The following VPS13B variants were observed in gnomAD, a reference collection of about 807,000 sequenced individuals.
VPS13B encodes intermembrane lipid transfer protein VPS13B.
VPS13B carries 285 observed loss-of-function variants against 426.4 expected under a neutral mutation model. The observed-to-expected ratio is 0.67, with a 90% CI of 0.61 to 0.74. The LOEUF (loss-of-function observed/expected upper bound fraction) is 0.74. VPS13B is among the 30% of genes least tolerant of loss of function. The pLI is 0.00. For synonymous variants in VPS13B, 1,676 were observed against 1,676.4 expected, an observed-to-expected ratio of 1.00 and a Z score of 0.01; for missense variants, 4,537 against 4,782.6, an observed-to-expected ratio of 0.95 and a Z score of 1.51.
chr8:99,822,643 G>A (rs1814441705), intron 50 of VPS13B, among the ~76,000 whole-genome samples: 1 of 152,196 alleles, frequency 6.6e-6, no homozygotes, highest in African/African-American at 2.4e-5. Flanking sequence ...AACACATATT[G>A]ATGTCTAATT....
At chr8:99,059,966 C>T (rs1352365099) in intron 3 of VPS13B, among the ~76,000 whole-genome samples, 1 of 151,948 alleles carries the variant, frequency 6.6e-6, no homozygotes, top group Non-Finnish European at 1.5e-5. Context: ...GAACTCCTGA[C>T]CTCAGGTGAT....
chr8:99,056,386 A>G (rs1228568275), intron 3 of VPS13B, among the ~76,000 whole-genome samples: 2 of 152,032 alleles, frequency 1.3e-5, no homozygotes, highest in African/African-American at 2.4e-5. Flanking sequence ...TATCCTGCAC[A>G]TTTGCCAGAT....
chr8:99,461,040 G>C (rs561389778), intron 23 of VPS13B, among the ~76,000 whole-genome samples: 35 of 152,216 alleles, frequency 2.3e-4, no homozygotes, highest in Admixed American at 3.9e-4. Context: ...TGTATCAACT[G>C]TATCTAGCTT....
At chr8:99,414,231 A>C (rs1436725459) in intron 21 of VPS13B, among the ~76,000 whole-genome samples, 2 of 145,032 alleles carry the variant, frequency 1.4e-5, no homozygotes, top group South Asian at 4.2e-4. Flanking sequence ...CTAGGATTGC[A>C]ACCCCTGCTT....
intron 34 of VPS13B, among the ~76,000 whole-genome samples, chr8:99,643,614 T>C (rs1004498095): frequency 2.6e-5 from 4 of 152,154 alleles, no homozygotes; most frequent in African/African-American, 9.6e-5. Flanking sequence ...CCCTCTCTCC[T>C]GTGCAGCTCA....
intron 2 of VPS13B, among the ~76,000 whole-genome samples, chr8:99,028,347 C>G (rs1204346656): frequency 6.7e-6 from 1 of 149,974 alleles, no homozygotes; most frequent in Non-Finnish European, 1.5e-5. Context: ...GGGGGCTGAC[C>G]CCCCCACCTC....
chr8:99,870,614 G>C (rs1019496014), intron 59 of VPS13B, among the ~76,000 whole-genome samples, 171 bp from the exon 60 acceptor site: 1 of 152,134 alleles, frequency 6.6e-6, no homozygotes, highest in Admixed American at 6.5e-5. Context: ...GATCACCAAG[G>C]TTAAGAGCAT....
At chr8:99,695,799 C>T (rs1255604408) in intron 35 of VPS13B, among the ~76,000 whole-genome samples, 1 of 151,600 alleles carries the variant, frequency 6.6e-6, no homozygotes, top group East Asian at 1.9e-4. Context: ...CCTGAGAGAG[C>T]CTGGGTATCC....
chr8:99,139,639 A>G (rs927940876), intron 12 of VPS13B, among the ~76,000 whole-genome samples: 1 of 151,802 alleles, frequency 6.6e-6, no homozygotes, highest in East Asian at 1.9e-4. Flanking sequence ...GGGTTTCACC[A>G]TGTTAGCCAG....
chr8:99,784,122 C>T (rs1269403597), intron 42 of VPS13B, among the ~76,000 whole-genome samples, 193 bp from the exon 43 acceptor site: 1 of 152,168 alleles, frequency 6.6e-6, no homozygotes, highest in Non-Finnish European at 1.5e-5. Context: ...ATTCTTGGAA[C>T]ATTTAAAATC....
intron 39 of VPS13B, among the ~76,000 whole-genome samples, chr8:99,742,675 G>A (rs1004201597): frequency 1.1e-4 from 17 of 152,070 alleles, no homozygotes; most frequent in Admixed American, 2.6e-4. Context: ...TTCAACATAC[G>A]CAAATCAATA....
At chr8:99,782,520 C>T (rs1389489184) in intron 42 of VPS13B, among the ~76,000 whole-genome samples, 3 of 151,740 alleles carry the variant, frequency 2.0e-5, no homozygotes, top group Non-Finnish European at 2.9e-5. Context: ...TTAAAACCAA[C>T]CTTAAAACAG....
chr8:99,206,324 A>G (rs757976963), intron 17 of VPS13B, among the ~76,000 whole-genome samples: 5 of 152,236 alleles, frequency 3.3e-5, no homozygotes, highest in Non-Finnish European at 7.3e-5. Flanking sequence ...ATGTTAAAAT[A>G]AAAATCTACT....
chr8:99,114,743 A>G (rs572166988), intron 6 of VPS13B, among the ~76,000 whole-genome samples: 2 of 152,288 alleles, frequency 1.3e-5, no homozygotes, highest in African/African-American at 4.8e-5. Flanking sequence ...CCCCCTTCAC[A>G]TACATTTTTT....
chr8:99,506,360 C>A (rs1215810483), intron 27 of VPS13B, among the ~76,000 whole-genome samples: 1 of 152,136 alleles, frequency 6.6e-6, no homozygotes, highest in Non-Finnish European at 1.5e-5. Context: ...ATGATCTTTG[C>A]AAGTGATAAT....
intron 33 of VPS13B, among the ~76,000 whole-genome samples, chr8:99,606,094 G>T (rs532755692): frequency 6.6e-6 from 1 of 151,754 alleles, no homozygotes; most frequent in Non-Finnish European, 1.5e-5. Flanking sequence ...CGGTAGATAC[G>T]GGGTTTTGCC....
At chr8:99,785,551 T>C (rs1001969557) in intron 43 of VPS13B, among the ~76,000 whole-genome samples, 1 of 152,196 alleles carries the variant, frequency 6.6e-6, no homozygotes, top group Non-Finnish European at 1.5e-5. Flanking sequence ...TCACATGATA[T>C]GGTATTGCAT....
intron 4 of VPS13B, among the ~76,000 whole-genome samples, chr8:99,099,513 T>C (rs572672349): frequency 6.6e-6 from 1 of 151,964 alleles, no homozygotes. Context: ...TTTAAGACTA[T>C]CAGAGAAATA....
chr8:99,171,965 G>T (rs910836819), intron 16 of VPS13B, among the ~76,000 whole-genome samples: 1 of 152,078 alleles, frequency 6.6e-6, no homozygotes, highest in Admixed American at 6.6e-5. Context: ...GATGAGATGA[G>T]GTCCTGTTAG....
Sources: gnomAD v4.1 joint callset for allele counts (sites outside exome capture counted in the v4.1 genomes callset) on GRCh38, gnomAD v4.1.1 for gene constraint, MANE v1.5 for transcripts, NCBI Gene and HGNC (gene_info 2026-07-23, HGNC 2026-07-21) for gene names.